Variants in SMYD3 observed in about 807,000 individuals in gnomAD.
The protein encoded by SMYD3 is SET and MYND domain containing 3, also known as histone-lysine N-methyltransferase SMYD3.
A neutral mutation model predicts 57.7 loss-of-function variants in SMYD3; 36 were observed. The observed-to-expected ratio is 0.62, with a 90% CI of 0.48 to 0.82. The LOEUF is 0.82. Ranked by LOEUF, SMYD3 falls within the 40% of genes least tolerant of loss-of-function variation. SMYD3 has a pLI of 0.00. For missense variants in SMYD3, 515 were observed against 538.8 expected, an observed-to-expected ratio of 0.96 and a Z score of 0.44; for synonymous variants, 211 against 195.0, an observed-to-expected ratio of 1.08 and a Z score of -0.68.
intron 5 of SMYD3, among the ~76,000 whole-genome samples, chr1:246,043,902 C>T (rs2059919167): frequency 6.6e-6 from 1 of 152,106 alleles, no homozygotes; most frequent in South Asian, 2.1e-4. Context: ...ATGACTCGCA[C>T]CAACAGTTTC....
At chr1:246,448,058 C>T (rs1558469933) in intron 1 of SMYD3, among the ~76,000 whole-genome samples, 1 of 152,058 alleles carries the variant, frequency 6.6e-6, no homozygotes, top group Non-Finnish European at 1.5e-5. Context: ...TTAAGAATAA[C>T]ATAATCAAAT....
rs1307490928 is a variant in SMYD3, at chr1:246,243,980, T to A, written c.531+83221A>T. Among the ~76,000 whole-genome samples the A allele has an allele frequency of 6.0e-5, 6 of 100,600 alleles. 2 individuals carry two copies. The highest frequency in any genetic ancestry group is 2.0e-5 in the Non-Finnish European group (1 of 49,160). 66.0% of individuals were successfully genotyped at this position (100,600 alleles called of 152,430 possible). On this transcript the variant is annotated intron_variant, in intron 5 of 11. Transcript: ENST00000490107. ...GTCCCAGCTACTTGGGAGACATATA[T>A]GTGTATATACATATATATACACGTA...
chr1:246,415,954 C>T (rs1301124143), intron 1 of SMYD3, among the ~76,000 whole-genome samples: 1 of 152,174 alleles, frequency 6.6e-6, no homozygotes, highest in African/African-American at 2.4e-5. Context: ...TAGAAACTCC[C>T]ACACGTAAGT....
chr1:246,433,881 G>C (rs2067333137), intron 1 of SMYD3, among the ~76,000 whole-genome samples: 1 of 152,096 alleles, frequency 6.6e-6, no homozygotes, highest in South Asian at 2.1e-4. Context: ...TATACTATAA[G>C]GCCAAACAGT....
intron 5 of SMYD3, among the ~76,000 whole-genome samples, chr1:246,038,876 AAGTAGAAAC>A (rs1254576237): frequency 6.6e-6 from 1 of 152,230 alleles, no homozygotes; most frequent in African/African-American, 2.4e-5. Flanking sequence ...GAAATTTTGT[AAGTAGAAAC>A]AGGGAAAGTA....
At chr1:246,001,323 C>A (rs1397420465) in intron 5 of SMYD3, among the ~76,000 whole-genome samples, 1 of 152,182 alleles carries the variant, frequency 6.6e-6, no homozygotes, top group Non-Finnish European at 1.5e-5. Flanking sequence ...CAGGCAAGTC[C>A]AAACACGTCT....
chr1:246,220,051 G>A (rs1011476283), intron 5 of SMYD3, among the ~76,000 whole-genome samples: 12 of 152,098 alleles, frequency 7.9e-5, no homozygotes, highest in African/African-American at 2.9e-4. Flanking sequence ...CTTCATTATT[G>A]CTGTTCATTT....
chr1:246,371,111 A>C (rs2066184491), intron 1 of SMYD3, among the ~76,000 whole-genome samples: 1 of 152,204 alleles, frequency 6.6e-6, no homozygotes, highest in African/African-American at 2.4e-5. Context: ...TAATGTCTGT[A>C]ACAAGCTAAG....
chr1:246,337,762 C>A (rs1010298482), intron 2 of SMYD3, among the ~76,000 whole-genome samples: 16 of 152,154 alleles, frequency 1.1e-4, no homozygotes, highest in African/African-American at 3.9e-4. Context: ...ATTTTAATTA[C>A]AAGAGATCAT....
chr1:246,133,728 A>G (rs2061623358), intron 5 of SMYD3, among the ~76,000 whole-genome samples: 1 of 152,134 alleles, frequency 6.6e-6, no homozygotes, highest in South Asian at 2.1e-4. Flanking sequence ...AGAAGGAGAA[A>G]GAGGGAGAAC....
At chr1:246,017,649 T>C (rs2059400593) in intron 5 of SMYD3, among the ~76,000 whole-genome samples, 3 of 152,204 alleles carry the variant, frequency 2.0e-5, no homozygotes, top group Admixed American at 6.5e-5. Flanking sequence ...ACTGATGTTA[T>C]TAATTTTGAT....
rs563178162 is a variant in SMYD3 at position 246,221,073 on chromosome 1, A to T, written c.531+106128T>A. Reference sequence around the variant, plus strand: ...ATGATGGGACGACCTGCCTGCAGAGAACAGTCTCTTACTCTAGGGCCTCCT... The same window carrying T: ...ATGATGGGACGACCTGCCTGCAGAGTACAGTCTCTTACTCTAGGGCCTCCT... On this transcript the variant is annotated intron_variant, in intron 5 of 11. Coordinates refer to ENST00000490107, the MANE Select transcript of SMYD3 (RefSeq NM_001167740.2). Among the ~76,000 whole-genome samples, 186 of 152,060 alleles carry T rather than the reference A, an allele frequency of 1.2e-3. 1 individual carries two copies. The highest frequency in any genetic ancestry group is 3.4e-3 in the Middle Eastern group (1 of 294).
intron 1 of SMYD3, among the ~76,000 whole-genome samples, chr1:246,487,880 G>T (rs2103065910): frequency 6.6e-6 from 1 of 152,190 alleles, no homozygotes; most frequent in East Asian, 1.9e-4. Context: ...TTTTAGTAGA[G>T]ACAGGGTTCC....
intron 5 of SMYD3, among the ~76,000 whole-genome samples, chr1:246,049,195 A>T (rs1050152981): frequency 4.6e-5 from 7 of 152,326 alleles, no homozygotes; most frequent in African/African-American, 1.7e-4. Context: ...TATCCTGACA[A>T]TAAACGACTC....
chr1:245,869,805 G>A (rs1444992221), intron 8 of SMYD3, among the ~76,000 whole-genome samples: 11 of 152,186 alleles, frequency 7.2e-5, no homozygotes, highest in Admixed American at 6.5e-4. Context: ...AGGACTCAGC[G>A]TGTTTTCTGC....
At chr1:246,190,081 G>A (rs2062708268) in intron 5 of SMYD3, among the ~76,000 whole-genome samples, 1 of 152,110 alleles carries the variant, frequency 6.6e-6, no homozygotes, top group Non-Finnish European at 1.5e-5. Flanking sequence ...GGTAATACAG[G>A]CTAGTCGTCC....
intron 7 of SMYD3, among the ~76,000 whole-genome samples, chr1:245,920,059 A>G (rs568900835): frequency 1.1e-4 from 16 of 151,886 alleles, no homozygotes; most frequent in East Asian, 5.9e-4. Flanking sequence ...CACGCCTGTA[A>G]TCCCAGCACT....
At chr1:246,462,082 A>G (rs2067805918) in intron 1 of SMYD3, among the ~76,000 whole-genome samples, 1 of 152,172 alleles carries the variant, frequency 6.6e-6, no homozygotes, top group South Asian at 2.1e-4. Context: ...AAAGGATAGG[A>G]GGCATCCAGG....
chr1:245,830,509 TG>T (rs1178592483), intron 10 of SMYD3, among the ~76,000 whole-genome samples: 29 of 152,182 alleles, frequency 1.9e-4, no homozygotes, highest in Admixed American at 1.8e-3. Context: ...AGGTGAGATT[TG>T]GGTGGGGACA....
Sources: gnomAD v4.1 joint callset for allele counts (sites outside exome capture counted in the v4.1 genomes callset) on GRCh38, gnomAD v4.1.1 for gene constraint, MANE v1.5 for transcripts, NCBI Gene and HGNC (gene_info 2026-07-23, HGNC 2026-07-21) for gene names.